The following LYPLAL1 variants were observed in gnomAD, a reference collection of about 807,000 sequenced individuals.
LYPLAL1 encodes the protein lysophospholipase-like protein 1.
A neutral mutation model predicts 19.7 loss-of-function variants in LYPLAL1; 23 were observed. The ratio of observed to expected loss-of-function variants is 1.17; its 90% CI spans 0.84 to 1.65. LYPLAL1 has a LOEUF of 1.65. Ranked by LOEUF, LYPLAL1 falls within the 40% of genes most tolerant of loss-of-function variation. The pLI, the probability that LYPLAL1 is intolerant of heterozygous loss-of-function variation, is 0.00. For synonymous variants in LYPLAL1, 119 were observed against 96.3 expected, an observed-to-expected ratio of 1.24 and a Z score of -1.38; for missense variants, 355 against 279.4, an observed-to-expected ratio of 1.27 and a Z score of -1.93.
chr1:219,289,589 C>A, the LYPLAL1 span, among the ~76,000 whole-genome samples: 1 of 152,058 alleles, frequency 6.6e-6, no homozygotes, highest in Non-Finnish European at 1.5e-5. Flanking sequence ...TGTGGGCATG[C>A]AGAAAGAAGT....
chr1:219,300,498 G>A, the LYPLAL1 span, among the ~76,000 whole-genome samples: 25 of 147,434 alleles, frequency 1.7e-4, no homozygotes, highest in African/African-American at 5.7e-4. Flanking sequence ...AAGGGGGGAC[G>A]CTTTGTGAAC....
At chr1:219,193,789 A>G (rs534669843) in intron 3 of LYPLAL1, among the ~76,000 whole-genome samples, 43 of 151,984 alleles carry the variant, frequency 2.8e-4, no homozygotes, top group African/African-American at 9.1e-4. Context: ...TGGACTTAGC[A>G]TATACATAAA....
the LYPLAL1 span, among the ~76,000 whole-genome samples, chr1:219,378,331 C>G: frequency 6.6e-6 from 1 of 152,020 alleles, no homozygotes; most frequent in Non-Finnish European, 1.5e-5. Context: ...ATGGTGGCAT[C>G]AAGGAGAAGA....
intron 2 of LYPLAL1, among the ~76,000 whole-genome samples, chr1:219,190,280 G>C (rs1657048642): frequency 6.6e-6 from 1 of 151,446 alleles, no homozygotes; most frequent in Non-Finnish European, 1.5e-5. Flanking sequence ...AGATAATGCA[G>C]AACTATAAAA....
chr1:219,222,704 G>C, the LYPLAL1 span: 4 of 152,084 alleles, frequency 2.6e-5, no homozygotes, highest in East Asian at 7.7e-4. Flanking sequence ...ATGCAAGTGT[G>C]TCGCTCTTTA....
the LYPLAL1 span, among the ~76,000 whole-genome samples, chr1:219,306,327 G>A: frequency 1.3e-5 from 2 of 152,120 alleles, no homozygotes; most frequent in African/African-American, 4.8e-5. Flanking sequence ...CAATATGACT[G>A]AGCCACAGGG....
At chr1:219,391,249 C>T in the LYPLAL1 span, among the ~76,000 whole-genome samples, 1 of 152,136 alleles carries the variant, frequency 6.6e-6, no homozygotes, top group Non-Finnish European at 1.5e-5. Context: ...GGACTGCTAT[C>T]GTTTTCCTGT....
intron 2 of LYPLAL1, among the ~76,000 whole-genome samples, chr1:219,190,637 A>AAC (rs1386255320): frequency 5.0e-4 from 75 of 150,514 alleles, no homozygotes; most frequent in African/African-American, 1.7e-3. Context: ...AAAAAAAAAA[A>AAC]AAAAACCCTT....
chr1:219,198,972 A>G (rs1167934507), intron 3 of LYPLAL1, among the ~76,000 whole-genome samples: 2 of 152,188 alleles, frequency 1.3e-5, no homozygotes, highest in African/African-American at 4.8e-5. Flanking sequence ...CAAAGTATAT[A>G]TATCATAATA....
At chr1:219,373,863 CAAAAAAAAAAA>C in the LYPLAL1 span, among the ~76,000 whole-genome samples, 360 of 102,224 alleles carry the variant, frequency 3.5e-3, 6 homozygotes, top group African/African-American at 0.012. Flanking sequence ...ATAAAATTGT[CAAAAAAAAAAA>C]AAAAAAACAA....
At chr1:219,436,802 C>G in the LYPLAL1 span, among the ~76,000 whole-genome samples, 2 of 152,100 alleles carry the variant, frequency 1.3e-5, no homozygotes, top group Non-Finnish European at 2.9e-5. Flanking sequence ...TGGCTCTCCT[C>G]CATAAGAGAA....
At chr1:219,363,347 C>T in the LYPLAL1 span, among the ~76,000 whole-genome samples, 1 of 152,032 alleles carries the variant, frequency 6.6e-6, no homozygotes, top group African/African-American at 2.4e-5. Context: ...GAGTTAATAC[C>T]AAACACAGTA....
the LYPLAL1 span, among the ~76,000 whole-genome samples, chr1:219,319,303 G>A: frequency 6.6e-6 from 1 of 152,256 alleles, no homozygotes; most frequent in Admixed American, 6.5e-5. Context: ...CCTCTGACCC[G>A]TGGAGAAGGA....
chr1:219,210,065 T>C (rs992493653), intron 3 of LYPLAL1, among the ~76,000 whole-genome samples: 1 of 152,258 alleles, frequency 6.6e-6, no homozygotes, highest in Admixed American at 6.5e-5. Flanking sequence ...CATTCTTAAT[T>C]CAGAATTCAC....
the LYPLAL1 span, among the ~76,000 whole-genome samples, chr1:219,256,944 T>C: frequency 1.3e-5 from 2 of 152,058 alleles, no homozygotes; most frequent in African/African-American, 4.8e-5. Flanking sequence ...ATTTTAAGCT[T>C]TTAAAACTCA....
chr1:219,425,794 C>T, the LYPLAL1 span, among the ~76,000 whole-genome samples: 1 of 152,194 alleles, frequency 6.6e-6, no homozygotes, highest in East Asian at 1.9e-4. Context: ...ACAAAGATAC[C>T]ATATTCTATC....
At chr1:219,273,329 T>C in the LYPLAL1 span, 3 of 152,200 alleles carry the variant, frequency 2.0e-5, no homozygotes, top group African/African-American at 7.2e-5. Context: ...TCATGCAGAA[T>C]TGCTAACACA....
the LYPLAL1 span, among the ~76,000 whole-genome samples, chr1:219,408,107 C>A: frequency 6.6e-6 from 1 of 152,130 alleles, no homozygotes; most frequent in African/African-American, 2.4e-5. Context: ...ATCTACTATT[C>A]TGGGTTAGAG....
At chr1:219,288,102 C>T in the LYPLAL1 span, among the ~76,000 whole-genome samples, 3 of 152,096 alleles carry the variant, frequency 2.0e-5, no homozygotes, top group East Asian at 1.9e-4. Context: ...TAAAATCCAG[C>T]GATCACACCT....
Sources: allele counts gnomAD v4.1 joint callset (sites outside exome capture counted in the v4.1 genomes callset), GRCh38; gene constraint gnomAD v4.1.1; transcripts MANE v1.5; gene names NCBI Gene and HGNC (gene_info 2026-07-23, HGNC 2026-07-21).